Variants in SH3KBP1 observed in about 807,000 individuals in gnomAD.
SH3KBP1 encodes the protein SH3 domain-containing kinase-binding protein 1.
SH3KBP1 carries 8 observed loss-of-function variants against 50.1 expected under a neutral mutation model. That is an observed-to-expected ratio of 0.16 (90% CI 0.09 to 0.29). The LOEUF (loss-of-function observed/expected upper bound fraction) is 0.29. SH3KBP1 is among the 10% of genes least tolerant of loss of function. SH3KBP1 has a pLI of 1.00. For missense variants in SH3KBP1, 377 were observed against 535.2 expected, an observed-to-expected ratio of 0.70 and a Z score of 2.92; for synonymous variants, 227 against 218.6, an observed-to-expected ratio of 1.04 and a Z score of -0.34.
At chrX:19,790,416 A>G (rs1205153415) in intron 2 of SH3KBP1, among the ~76,000 whole-genome samples, 1 of 111,721 alleles carries the variant, frequency 9.0e-6, no homozygotes, top group Non-Finnish European at 1.9e-5. Context: ...GGAGATGTCC[A>G]GGAGAGAGCC....
intron 12 of SH3KBP1, among the ~76,000 whole-genome samples, chrX:19,575,195 T>C (rs1268551803): frequency 1.8e-5 from 2 of 112,636 alleles, no homozygotes; most frequent in Admixed American, 9.4e-5. Context: ...AAATTGCTTG[T>C]AGCTACTAGA....
chrX:19,773,859 A>G (rs2065875542), intron 2 of SH3KBP1, among the ~76,000 whole-genome samples: 3 of 87,800 alleles, frequency 3.4e-5, no homozygotes, highest in African/African-American at 1.3e-4. Context: ...CCGGCTCGAA[A>G]AAAAAAAAAA....
intron 8 of SH3KBP1, among the ~76,000 whole-genome samples, chrX:19,619,428 T>C (rs1436648916): frequency 8.9e-6 from 1 of 112,722 alleles, no homozygotes; most frequent in Non-Finnish European, 1.9e-5. Context: ...TGTGAACAAG[T>C]CATACACAAA....
In SH3KBP1 at chrX:19,580,758, T is replaced by C. The variant is rs772156250; in HGVS notation, c.1298+7885A>G. On this transcript the variant is annotated intron_variant, in intron 12 of 17. Transcript: ENST00000397821. ...CTTCCTCCTTCTAGCTTCCATGACA[T>C]CACACTCCTCCTACCCTTTTGGATG... 3.8e-4 allele frequency among the ~76,000 whole-genome samples: 42 copies of C among 110,761 alleles called. 1 individual carries two copies. Among genetic ancestry groups the C allele is most frequent in the Non-Finnish European group, 5.9e-4 (31 of 52,870 alleles).
intron 6 of SH3KBP1, among the ~76,000 whole-genome samples, chrX:19,664,373 T>C (rs1056239057): frequency 9.0e-6 from 1 of 111,350 alleles, no homozygotes; most frequent in South Asian, 3.8e-4. Flanking sequence ...AAAGTCAGGG[T>C]TGGGCTACAC....
At chrX:19,646,891 C>T (rs2062004750) in intron 6 of SH3KBP1, among the ~76,000 whole-genome samples, 1 of 112,138 alleles carries the variant, frequency 8.9e-6, no homozygotes, top group South Asian at 3.7e-4. Context: ...TATGCCACCT[C>T]TAAACTGCCG....
chrX:19,813,325 C>CT (rs368618894), intron 2 of SH3KBP1, among the ~76,000 whole-genome samples: 1,569 of 101,246 alleles, frequency 0.015, 28 homozygotes, highest in African/African-American at 0.05. Context: ...CTGCCCATTT[C>CT]TTTTTTTTTT....
intron 12 of SH3KBP1, among the ~76,000 whole-genome samples, chrX:19,580,303 C>T (rs1177012154): frequency 1.8e-5 from 2 of 111,790 alleles, no homozygotes; most frequent in Non-Finnish European, 3.8e-5. Context: ...AATTTTCTTT[C>T]CTTCCTGAAT....
chrX:19,715,717 C>G (rs1364767302), intron 3 of SH3KBP1, among the ~76,000 whole-genome samples: 1 of 112,400 alleles, frequency 8.9e-6, no homozygotes, highest in African/African-American at 3.2e-5. Context: ...AGGGAGAGAA[C>G]TCAGACTTCT....
chrX:19,841,515 G>T, intron 1 of SH3KBP1, among the ~76,000 whole-genome samples: 1 of 112,216 alleles, frequency 8.9e-6, no homozygotes, highest in Non-Finnish European at 1.9e-5. Flanking sequence ...CACACTTACT[G>T]CTTTTGCACT....
chrX:19,824,195 A>G (rs1453089330), intron 2 of SH3KBP1, among the ~76,000 whole-genome samples: 1 of 112,078 alleles, frequency 8.9e-6, no homozygotes, highest in Non-Finnish European at 1.9e-5. Flanking sequence ...TTTGTAGTAA[A>G]CTTTTACAAT....
intron 9 of SH3KBP1, among the ~76,000 whole-genome samples, chrX:19,604,230 A>C (rs1240913448): frequency 8.9e-6 from 1 of 111,856 alleles, no homozygotes; most frequent in East Asian, 2.8e-4. Context: ...AGGTTCTCTT[A>C]TAAATAGCTT....
chrX:19,835,357 T>C (rs1275012016), intron 2 of SH3KBP1, among the ~76,000 whole-genome samples: 1 of 110,419 alleles, frequency 9.1e-6, no homozygotes, highest in Non-Finnish European at 1.9e-5. Flanking sequence ...CAGGCTGGTC[T>C]CAAACTCCTG....
chrX:19,662,971 T>C (rs1323664035), intron 6 of SH3KBP1, among the ~76,000 whole-genome samples: 1 of 111,263 alleles, frequency 9.0e-6, no homozygotes, highest in African/African-American at 3.3e-5. Flanking sequence ...TATTCATTCA[T>C]TCTTCCATTC....
At chrX:19,861,642 T>C (rs2068780829) in intron 1 of SH3KBP1, among the ~76,000 whole-genome samples, 1 of 111,430 alleles carries the variant, frequency 9.0e-6, no homozygotes, top group Non-Finnish European at 1.9e-5. Context: ...TTCACATTAT[T>C]AACTGAAGGA....
intron 1 of SH3KBP1, among the ~76,000 whole-genome samples, chrX:19,845,847 T>G (rs928403535): frequency 9.0e-6 from 1 of 110,824 alleles, no homozygotes; most frequent in Non-Finnish European, 1.9e-5. Context: ...TGGCATCAAG[T>G]AATCCACCCA....
In SH3KBP1 at chrX:19,545,937, A is replaced by G; in HGVS notation, c.1608T>C (p.Thr536=). The stretch of plus-strand genomic sequence containing the variant: ...GGTGACTCACTTGGGATATGGTAAC[A>G]GTCTTGGAAGTTTTCTTTGACGCGT... The part of the protein sequence containing the change: ...GVDASKKTSK[T]VTISQVSDNK... Residue 536 remains threonine, a synonymous_variant, in exon 15 of 18, where the codon ACT becomes ACC. Coordinates refer to ENST00000397821, the MANE Select transcript of SH3KBP1 (RefSeq NM_031892.3). 8.3e-7 allele frequency: 1 copy of G among 1,211,427 alleles called. No individual in the cohort carries two copies. Among genetic ancestry groups the G allele is most frequent in the Non-Finnish European group, 1.1e-6 (1 of 895,234 alleles).
chrX:19,698,713 G>A (rs952050765), intron 4 of SH3KBP1, among the ~76,000 whole-genome samples: 1 of 111,588 alleles, frequency 9.0e-6, no homozygotes, highest in African/African-American at 3.3e-5. Context: ...AGCTGTTTTG[G>A]TCTCGAGACT....
At position 19,638,389 on chromosome X, in the gene SH3KBP1, G is replaced by A. The variant is rs774594073; in HGVS notation, c.803-6431C>T. ...CGCGCCACTGCAGTCCAGCCTGGGC[G>A]AAAGAGCAGACTCCGTCTCAAAAAA... On this transcript the variant is annotated intron_variant, in intron 7 of 17. Coordinates refer to ENST00000397821, the MANE Select transcript of SH3KBP1 (RefSeq NM_031892.3). 1.3e-4 allele frequency among the ~76,000 whole-genome samples: 11 copies of A among 83,927 alleles called. No homozygotes were observed. In the South Asian group the frequency reaches 3.4e-3, roughly 26 times the overall value. 72.9% of individuals were successfully genotyped at this position (83,927 alleles called of 115,157 possible). A position where few individuals can be genotyped will look rare whatever the true frequency, so the allele number is the denominator to read the frequency against.
Sources: allele counts gnomAD v4.1 joint callset (sites outside exome capture counted in the v4.1 genomes callset), GRCh38; gene constraint gnomAD v4.1.1; transcripts MANE v1.5; gene names NCBI Gene and HGNC (gene_info 2026-07-23, HGNC 2026-07-21).